The following SRRM2 variants were observed in gnomAD, a reference collection of about 807,000 sequenced individuals.
The protein encoded by SRRM2 is serine/arginine repetitive matrix 2.
SRRM2 carries 30 observed loss-of-function variants against 213.8 expected under a neutral mutation model. The ratio of observed to expected loss-of-function variants is 0.14; its 90% CI spans 0.10 to 0.19. The LOEUF (loss-of-function observed/expected upper bound fraction) is 0.19. Among genes scored for constraint, SRRM2 ranks in the 10% least tolerant of loss-of-function variants. The pLI is 1.00. For missense variants in SRRM2, 4,904 were observed against 3,647.0 expected (o/e 1.34, Z -8.88); for synonymous variants, 2,025 against 1,377.7 (o/e 1.47, Z -10.40).
rs138332398 is a variant in SRRM2, at chr16:2,761,590, G to C, written c.1062G>C (p.Pro354=). ...EKSATRPSPS[P]ERSSTGPEPP... The stretch of plus-strand genomic sequence containing the variant: ...CTGCAACTCGACCTAGCCCCTCTCC[G>C]GAAAGGAGCAGCACAGGCCCAGAAC... The change falls in exon 11 of 15, where the codon CCG becomes CCC. Residue 354 remains proline, a synonymous_variant. Coordinates refer to ENST00000301740, the MANE Select transcript of SRRM2 (RefSeq NM_016333.4). 1.3e-6 allele frequency: 2 copies of C among 1,513,328 alleles called. No homozygotes were observed. The highest frequency in any genetic ancestry group is 2.3e-5 in the Admixed American group (1 of 43,092). The allele number at this position is 1,513,328 out of a possible 1,614,324, so 93.7% of individuals were successfully genotyped here.
intron 1 of SRRM2, among the ~76,000 whole-genome samples, chr16:2,755,908 C>T (rs923853832): frequency 9.2e-5 from 14 of 152,094 alleles, no homozygotes; most frequent in Non-Finnish European, 2.1e-4. Flanking sequence ...GACCAGGAGG[C>T]TTTGGTTGGT....
Position 2,765,364 on chromosome 16 carries a change from C to T in SRRM2, c.4836C>T (p.Pro1612=), listed in dbSNP as rs761857580. The part of the protein sequence containing the change: ...PEVKDKPRAA[P]RAQSGSDSSP... The stretch of plus-strand genomic sequence containing the variant: ...TGAAAGATAAGCCAAGAGCAGCACC[C>T]AGGGCACAGAGTGGTTCTGATTCCT... Residue 1612 remains proline, a synonymous_variant, in exon 11 of 15, where the codon CCC becomes CCT. Transcript: ENST00000301740. 8 of 1,614,176 alleles carry T rather than the reference C, an allele frequency of 5.0e-6. No individual in the cohort carries two copies. The highest frequency in any genetic ancestry group is 1.3e-5 in the African/African-American group (1 of 75,042).
chr16:2,759,436 TAAGTGAACGCCACCTTAGTGGG>T, intron 8 of SRRM2, 34 bp downstream of exon 8: 1 of 1,595,574 alleles, frequency 6.3e-7, no homozygotes. Flanking sequence ...GCTTAGGAAG[TAAGTGAACGCCACCTTAGTGGG>T]AGGGAGTTGA....
chr16:2,766,623 C>T lies in SRRM2; in HGVS notation c.6095C>T (p.Ser2032Phe). 6.2e-7 allele frequency: 1 copy of T among 1,613,830 alleles called. No individual in the cohort carries two copies. The highest frequency in any genetic ancestry group is 1.3e-5 in the African/African-American group (1 of 74,942). ...TPPAIRRRSR[S>F]RTPLLPRKRS... is the part of the protein sequence containing the mutation. ...CCAGCTATTCGGCGCCGCTCTAGAT[C>T]TCGAACGCCACTGTTACCACGCAAA... is the stretch of plus-strand genomic sequence containing the variant. Residue 2032 changes from serine (S) to phenylalanine (F), a missense_variant, in exon 11 of 15, where the codon TCT becomes TTT. Coordinates refer to ENST00000301740, the MANE Select transcript of SRRM2 (RefSeq NM_016333.4). The surrounding 1 kb of genome is among the most constrained non-coding windows in gnomAD (Gnocchi z 7.0).
chr16:2,764,701 G>A lies in SRRM2; in HGVS notation c.4173G>A (p.Val1391=), dbSNP rs558035347. The change falls in exon 11 of 15, where the codon GTG becomes GTA. Residue 1391 remains valine, a synonymous_variant. Coordinates refer to ENST00000301740, the MANE Select transcript of SRRM2 (RefSeq NM_016333.4). Reference sequence around the variant, plus strand: ...GTTCTGAGTTATCCCCAGATGCAGTGGAAAAGGCAGGGATGTCTTCAAATC... The same window carrying A: ...GTTCTGAGTTATCCCCAGATGCAGTAGAAAAGGCAGGGATGTCTTCAAATC... ...HSSSELSPDA[V]EKAGMSSNQS... The A allele has an allele frequency of 1.9e-6, 3 of 1,614,078 alleles. No individual in the cohort carries two copies. The highest frequency in any genetic ancestry group is 1.3e-5 in the African/African-American group (1 of 75,048).
chr16:2,753,696 A>T (rs1313411449), intron 1 of SRRM2: 3 of 152,032 alleles, frequency 2.0e-5, no homozygotes, highest in Non-Finnish European at 4.4e-5. Flanking sequence ...CTTGGTTTCC[A>T]CTCGGCTTCA....
chr16:2,767,363 C>G lies in SRRM2; in HGVS notation c.6835C>G (p.Pro2279Ala). 6.2e-7 allele frequency: 1 copy of G among 1,613,870 alleles called. No homozygotes were observed. The highest frequency in any genetic ancestry group is 8.5e-7 in the Non-Finnish European group (1 of 1,180,026). The stretch of plus-strand genomic sequence containing the variant: ...GGCCAGCCCCAGAACAGCGGTGGCA[C>G]CTTCGGCTGTGAACCTGGCTGACCC... ...NLASPRTAVAPSAVNLADPRT... is the reference protein window; with the variant it reads ...NLASPRTAVAASAVNLADPRT... The change falls in exon 11 of 15, where the codon CCT (proline) becomes GCT (alanine). Residue 2279 changes from proline (P) to alanine (A), a missense_variant. Coordinates refer to ENST00000301740, the MANE Select transcript of SRRM2 (RefSeq NM_016333.4).
intron 1 of SRRM2, among the ~76,000 whole-genome samples, chr16:2,754,598 C>G (rs1419700523): frequency 6.6e-6 from 1 of 152,104 alleles, no homozygotes; most frequent in Admixed American, 6.5e-5. Flanking sequence ...CCTGGTTTTC[C>G]TTTCTTAAGG....
In SRRM2 at chr16:2,765,828, C is replaced by G. The variant is rs1157000090; in HGVS notation, c.5300C>G (p.Pro1767Arg). 2 of 1,614,152 alleles carry G rather than the reference C, an allele frequency of 1.2e-6. No individual in the cohort carries two copies. Among genetic ancestry groups the G allele is most frequent in the Admixed American group, 1.7e-5 (1 of 60,004 alleles). Residue 1767 changes from proline (P) to arginine (R), a missense_variant, in exon 11 of 15, where the codon CCT (proline) becomes CGT (arginine). Physicochemically the swap from Pro to Arg is moderately radical, Grantham distance 103 (BLOSUM62 -2). Coordinates refer to ENST00000301740, the MANE Select transcript of SRRM2 (RefSeq NM_016333.4). ...SRRGRSPSPKPRGLQRSRSRS... is the reference protein window; with the variant it reads ...SRRGRSPSPKRRGLQRSRSRS... ...AGAGGCCGCTCTCCTTCGCCAAAGCCTCGTGGACTCCAGAGGTCCCGTTCC... is the reference window on the plus strand; with the variant it reads ...AGAGGCCGCTCTCCTTCGCCAAAGCGTCGTGGACTCCAGAGGTCCCGTTCC...
chr16:2,757,566 G>A lies in SRRM2; in HGVS notation c.337G>A (p.Gly113Arg). ...CCCTGGGGGCAAGGAGGAGACCCCA[G>A]GGCAGAGGCCAGCGTGAGTGTTGCG... ...VNPGGKEETP[G>R]QRPAVTETHQ... The change falls in exon 3 of 15, where the codon GGG becomes AGG. Residue 113 changes from glycine (G) to arginine (R), a missense_variant. Transcript: ENST00000301740. 6.2e-7 allele frequency: 1 copy of A among 1,613,824 alleles called. No individual in the cohort carries two copies.
chr16:2,764,179 G>C lies in SRRM2; in HGVS notation c.3651G>C (p.Gly1217=), dbSNP rs1341708289. 8.1e-6 allele frequency: 13 copies of C among 1,614,096 alleles called. No homozygotes were observed. The highest frequency in any genetic ancestry group is 9.3e-6 in the Non-Finnish European group (11 of 1,180,044). ...CGCCAAGGGAAAGAAGTGGTGCTGG[G>C]TCATCTCCAGAAACAAAAGAGCAAA... is the stretch of plus-strand genomic sequence containing the variant. ...RTPPRERSGA[G]SSPETKEQNS... Residue 1217 remains glycine (G), a synonymous_variant, in exon 11 of 15, where the codon GGG becomes GGC. Coordinates refer to ENST00000301740, the MANE Select transcript of SRRM2 (RefSeq NM_016333.4).
rs149708987 is a variant in SRRM2 at position 2,770,459 on chromosome 16, A to G, written c.8129A>G (p.Gln2710Arg). 751 of 1,606,400 alleles carry G rather than the reference A, an allele frequency of 4.7e-4. No individual in the cohort carries two copies. Among genetic ancestry groups the G allele is most frequent in the Non-Finnish European group, 6.1e-4 (713 of 1,176,718 alleles). ...TCGCCCCAGCCCTCACCACGGGACCAGCAGAGGTAAGGCCAACTGCAGGTG... is the reference window on the plus strand; with the variant it reads ...TCGCCCCAGCCCTCACCACGGGACCGGCAGAGGTAAGGCCAACTGCAGGTG... ...RPSPQPSPRD[Q>R]QSSSSERGSR... Residue 2710 changes from glutamine (Q) to arginine (R), a missense_variant, in exon 13 of 15, where the codon CAG (glutamine) becomes CGG (arginine). Physicochemically the swap from Gln to Arg is conservative, Grantham distance 43. Coordinates refer to ENST00000301740, the MANE Select transcript of SRRM2 (RefSeq NM_016333.4).
chr16:2,754,067 C>G (rs180842275), intron 1 of SRRM2, among the ~76,000 whole-genome samples: 21 of 152,248 alleles, frequency 1.4e-4, no homozygotes, highest in Non-Finnish European at 2.5e-4. Flanking sequence ...ACTTGGGTAA[C>G]TTTTGCATAT....
Position 2,765,760 on chromosome 16 carries a change from A to C in SRRM2, c.5232A>C (p.Arg1744=). Residue 1744 remains arginine (R), a synonymous_variant, in exon 11 of 15, where the codon CGA becomes CGC. Coordinates refer to ENST00000301740, the MANE Select transcript of SRRM2 (RefSeq NM_016333.4). ...CCGAAAAATCGAGGTCTTCACGCCG[A>C]CGGCGCTCAGCTTCATCTCCACGCA... The part of the protein sequence containing the change: ...EPAEKSRSSR[R]RRSASSPRTK... 1 of 1,614,068 alleles carries C rather than the reference A, an allele frequency of 6.2e-7. No individual in the cohort carries two copies. Among genetic ancestry groups the C allele is most frequent in the Non-Finnish European group, 8.5e-7 (1 of 1,180,022 alleles).
chr16:2,756,332 A>T lies in SRRM2; in HGVS notation c.-31-2A>T. On this transcript the variant is annotated splice_acceptor_variant, in intron 1 of 14. Transcript: ENST00000301740. LOFTEE classifies it low-confidence loss of function (5UTR_SPLICE). ...GACCCGTGTCTCCCCGCTCCCCCTC[A>T]GGAGCGGTGGTGCCCCCCCCGGGCA... 1 of 1,567,132 alleles carries T rather than the reference A, an allele frequency of 6.4e-7. No individual in the cohort carries two copies. Among genetic ancestry groups the T allele is most frequent in the African/African-American group, 1.4e-5 (1 of 73,960 alleles).
chr16:2,761,223 A>C (rs778993698), intron 10 of SRRM2, among the ~76,000 whole-genome samples: 2 of 152,236 alleles, frequency 1.3e-5, no homozygotes, highest in Non-Finnish European at 2.9e-5. Flanking sequence ...TTCAAAGGTG[A>C]AGTTGCCATT....
chr16:2,768,314 G>A (rs1285500893), intron 11 of SRRM2, 53 bp downstream of exon 11: 2 of 1,467,936 alleles, frequency 1.4e-6, no homozygotes, highest in African/African-American at 1.4e-5. Context: ...TTGGGGATGG[G>A]TTGGGGAGTG....
At chr16:2,760,141 G>C (rs1197564088) in intron 9 of SRRM2, 160 bp from the exon 10 acceptor site, 26 of 701,692 alleles carry the variant, frequency 3.7e-5, no homozygotes, top group Non-Finnish European at 5.1e-5. Flanking sequence ...AAAGTGGACT[G>C]TACTTGCATT....
chr16:2,752,931 G>GGCCGCCGAGC (rs2067977714), intron 1 of SRRM2, 85 bp downstream of exon 1: 1 of 162,462 alleles, frequency 6.2e-6, no homozygotes, highest in Non-Finnish European at 1.3e-5. Flanking sequence ...GAACTGCCCA[G>GGCCGCCGAGC]GCCGCCGAGC....
Sources: gnomAD v4.1 joint callset for allele counts (sites outside exome capture counted in the v4.1 genomes callset) on GRCh38, gnomAD v4.1.1 for gene constraint, Gnocchi (gnomAD v3.1) non-coding constraint, MANE v1.5 for transcripts, NCBI Gene and HGNC (gene_info 2026-07-23, HGNC 2026-07-21) for gene names.